Variants in TMEM165 observed in about 807,000 individuals in gnomAD.
TMEM165 encodes the protein putative divalent cation/proton antiporter TMEM165.
Under a neutral mutation model 30.0 loss-of-function variants are expected in TMEM165, and 19 were observed. The ratio of observed to expected loss-of-function variants is 0.63; its 90% CI spans 0.44 to 0.93. The LOEUF (loss-of-function observed/expected upper bound fraction) is 0.93, where lower values mean the gene tolerates loss of function less well. Ranked by LOEUF, TMEM165 falls within the 40% of genes least tolerant of loss-of-function variation. The pLI, the probability that TMEM165 is intolerant of heterozygous loss-of-function variation, is 0.00. For synonymous variants in TMEM165, 168 were observed against 162.9 expected, an observed-to-expected ratio of 1.03 and a Z score of -0.24; for missense variants, 340 against 417.0, an observed-to-expected ratio of 0.82 and a Z score of 1.61.
At chr4:55,426,356 A>G (rs1722199662), downstream of TMEM165, among the ~76,000 whole-genome samples, 1 of 152,190 alleles carries the variant, frequency 6.6e-6, no homozygotes, top group Non-Finnish European at 1.5e-5. Flanking sequence ...GTACTAATAT[A>G]AGGTTAAAAA....
intron 4 of TMEM165, among the ~76,000 whole-genome samples, chr4:55,421,438 A>G (rs771005677): frequency 4.0e-5 from 6 of 151,290 alleles, no homozygotes; most frequent in Non-Finnish European, 8.8e-5. Flanking sequence ...GTCTGGGACT[A>G]CAGGTTCCCA....
In TMEM165 at chr4:55,407,625, T is replaced by C. The variant is rs193003652; in HGVS notation, c.208-3989T>C. Among the ~76,000 whole-genome samples the C allele has an allele frequency of 1.9e-3, 297 of 152,346 alleles. 1 individual carries two copies. The highest frequency in any genetic ancestry group is 6.5e-3 in the African/African-American group (269 of 41,594). ...CATGATTTTTTGTTAGACTCTGCTC[T>C]GGCTCATCCTTCAGGATGGAGAAGC... On this transcript the variant is annotated intron_variant, in intron 1 of 5. Coordinates refer to ENST00000381334, the MANE Select transcript of TMEM165 (RefSeq NM_018475.5).
chr4:55,441,901 TCA>T (rs1723403066), intron 3 of TMEM165, among the ~76,000 whole-genome samples: 1 of 152,222 alleles, frequency 6.6e-6, no homozygotes, highest in African/African-American at 2.4e-5. Flanking sequence ...AGGTCTGTGT[TCA>T]GAGTTCCCTT....
At chr4:55,447,562 T>C (rs963125301) in intron 3 of TMEM165, among the ~76,000 whole-genome samples, 1 of 152,106 alleles carries the variant, frequency 6.6e-6, no homozygotes, top group African/African-American at 2.4e-5. Context: ...AGGCAAAGCA[T>C]TTGGCTTTAT....
chr4:55,396,906 A>G (rs1720750669), intron 1 of TMEM165, among the ~76,000 whole-genome samples: 2 of 152,220 alleles, frequency 1.3e-5, no homozygotes, highest in Non-Finnish European at 2.9e-5. Context: ...TGCTTTGGCT[A>G]GCAGGAAGTA....
chr4:55,411,689 C>T lies in TMEM165; in HGVS notation c.283C>T (p.His95Tyr), dbSNP rs1349213495. 6.2e-7 allele frequency: 1 copy of T among 1,613,960 alleles called. No individual in the cohort carries two copies. The highest frequency in any genetic ancestry group is 8.5e-7 in the Non-Finnish European group (1 of 1,180,032). ...TACCCAAACTAATTTGGGATTTATC[C>T]ATGCATTTGTCGCTGCCATATCAGT... is the stretch of plus-strand genomic sequence containing the variant. ...PATQTNLGFI[H>Y]AFVAAISVII... is the part of the protein sequence containing the mutation. Residue 95 changes from histidine (H) to tyrosine (Y), a missense_variant, in exon 2 of 6, where the codon CAT (histidine) becomes TAT (tyrosine). Around this residue, in one of 2 missense-constraint regions of TMEM165, gnomAD observed 220 missense variants for 307.6 expected, o/e 0.72. Transcript: ENST00000381334.
chr4:55,442,357 T>G (rs1723437621), intron 3 of TMEM165: 1 of 1,325,368 alleles, frequency 7.5e-7, no homozygotes, highest in Non-Finnish European at 1.1e-6. Flanking sequence ...AAAAATTTGA[T>G]TAAGAAATCA....
At chr4:55,426,414 C>T (rs141549659), downstream of TMEM165, among the ~76,000 whole-genome samples, 7 of 152,256 alleles carry the variant, frequency 4.6e-5, no homozygotes, top group African/African-American at 1.7e-4. Flanking sequence ...TCACACCAGG[C>T]GGTTTAATTC....
chr4:55,429,720 G>A (rs2109586851), downstream of TMEM165: 1 of 152,286 alleles, frequency 6.6e-6, no homozygotes, highest in Admixed American at 6.5e-5. Flanking sequence ...TGACTGTGTT[G>A]GGGAAGTAAT....
intron 3 of TMEM165, chr4:55,435,723 CT>C: frequency 1.1e-6 from 1 of 928,486 alleles, no homozygotes. Context: ...ATCACTTTCA[CT>C]CTCTGGTTTA....
intron 3 of TMEM165, chr4:55,449,289 T>C (rs1724217687): frequency 2.9e-6 from 3 of 1,024,224 alleles, no homozygotes; most frequent in Non-Finnish European, 1.5e-6. Context: ...GTAACTATTT[T>C]GATCTTTACA....
intron 2 of TMEM165, among the ~76,000 whole-genome samples, chr4:55,414,756 T>C (rs2109547761): frequency 6.6e-6 from 1 of 152,356 alleles, no homozygotes; most frequent in Admixed American, 6.5e-5. Flanking sequence ...ATCAACCTTT[T>C]TGGGAGAATT....
intron 1 of TMEM165, 76 bp downstream of exon 1, chr4:55,396,472 C>G: frequency 1.6e-6 from 2 of 1,214,714 alleles, no homozygotes; most frequent in Non-Finnish European, 2.1e-6. Context: ...CCTTTGAAAG[C>G]GCCGCACTCC....
chr4:55,450,314 A>C (rs532208397), intron 3 of TMEM165: 5 of 1,564,886 alleles, frequency 3.2e-6, no homozygotes, highest in Admixed American at 1.7e-5. Flanking sequence ...ACAACAACAA[A>C]AAAATCAGTT....
At chr4:55,419,591 C>G (rs372339458) in intron 4 of TMEM165, among the ~76,000 whole-genome samples, 4 of 152,050 alleles carry the variant, frequency 2.6e-5, no homozygotes, top group African/African-American at 9.7e-5. Context: ...TGTCATTGTT[C>G]ACACAGATTT....
chr4:55,431,880 T>C (rs1412382366), intron 3 of TMEM165: 1 of 152,262 alleles, frequency 6.6e-6, no homozygotes, highest in Non-Finnish European at 1.5e-5. Flanking sequence ...TAAGGCTTCC[T>C]GAACAAGGGT....
chr4:55,402,401 G>GTATATATATATATA (rs1721039517), intron 1 of TMEM165, among the ~76,000 whole-genome samples: 1 of 45,406 alleles, frequency 2.2e-5, no homozygotes, highest in Non-Finnish European at 3.5e-5. Context: ...GTGTGTGTGT[G>GTATATATATATATA]TGTATATATA....
At chr4:55,447,257 C>G (rs1723936558) in intron 3 of TMEM165, among the ~76,000 whole-genome samples, 1 of 152,018 alleles carries the variant, frequency 6.6e-6, no homozygotes, top group Admixed American at 6.6e-5. Flanking sequence ...GTCCCAGCTA[C>G]TCGGGAGACT....
intron 1 of TMEM165, among the ~76,000 whole-genome samples, chr4:55,404,401 C>T (rs1309832487): frequency 6.6e-6 from 1 of 151,986 alleles, no homozygotes; most frequent in Non-Finnish European, 1.5e-5. Flanking sequence ...TGTTATCTGG[C>T]TTCAGTCCTT....
Sources: allele counts gnomAD v4.1 joint callset (sites outside exome capture counted in the v4.1 genomes callset), GRCh38; gene constraint gnomAD v4.1.1; regional missense constraint gnomAD v4.1.1; transcripts MANE v1.5; gene names NCBI Gene and HGNC (gene_info 2026-07-23, HGNC 2026-07-21).